SRRM2: variants seen among roughly 807,000 people sequenced by gnomAD.
The protein encoded by SRRM2 is serine/arginine repetitive matrix 2.
Under a neutral mutation model 213.8 loss-of-function variants are expected in SRRM2, and 30 were observed. The observed-to-expected ratio is 0.14, with a 90% CI of 0.10 to 0.19. The LOEUF (loss-of-function observed/expected upper bound fraction) is 0.19. Among genes scored for constraint, SRRM2 ranks in the 10% least tolerant of loss-of-function variants. SRRM2 has a pLI of 1.00. For synonymous variants in SRRM2, 2,025 were observed against 1,377.7 expected (o/e 1.47, Z -10.40); for missense variants, 4,904 against 3,647.0 (o/e 1.34, Z -8.88).
intron 2 of SRRM2, 92 bp downstream of exon 2, chr16:2,756,698 GA>G (rs2068154018): frequency 1.3e-6 from 2 of 1,498,954 alleles, no homozygotes; most frequent in Non-Finnish European, 1.8e-6. Context: ...GTGGTTGAAA[GA>G]GGCCTGGCAA....
At position 2,766,645 on chromosome 16, in the gene SRRM2, C is replaced by A; in HGVS notation, c.6117C>A (p.Arg2039=). The change falls in exon 11 of 15, where the codon CGC becomes CGA. Residue 2039 remains arginine (R), a synonymous_variant. Transcript: ENST00000301740. The surrounding 1 kb of genome is among the most constrained non-coding windows in gnomAD (Gnocchi z 7.0). ...GATCTCGAACGCCACTGTTACCACG[C>A]AAACGTTCTCGAAGTCGCTCACCAC... ...RSRSRTPLLP[R]KRSRSRSPLA... The A allele has an allele frequency of 6.2e-7, 1 of 1,614,004 alleles. No individual in the cohort carries two copies. The highest frequency in any genetic ancestry group is 8.5e-7 in the Non-Finnish European group (1 of 1,179,928).
Position 2,762,417 on chromosome 16 carries a change from C to A in SRRM2, c.1889C>A (p.Pro630Gln), listed in dbSNP as rs762964612. The change falls in exon 11 of 15, where the codon CCA becomes CAA. Residue 630 changes from proline to glutamine, a missense_variant. Coordinates refer to ENST00000301740, the MANE Select transcript of SRRM2 (RefSeq NM_016333.4). ...AGGCGCAGATCTAGGACCCGATCACCAGTACGACGCAGGTCTCGTAGTAGA... is the reference window on the plus strand; with the variant it reads ...AGGCGCAGATCTAGGACCCGATCACAAGTACGACGCAGGTCTCGTAGTAGA... ...PARRRSRTRS[P>Q]VRRRSRSRSP... The A allele has an allele frequency of 9.9e-6, 16 of 1,614,058 alleles. No individual in the cohort carries two copies. Among genetic ancestry groups the A allele is most frequent in the Non-Finnish European group, 1.4e-5 (16 of 1,180,054 alleles).
intron 12 of SRRM2, chr16:2,770,045 C>A (rs1423801332): frequency 1.0e-6 from 1 of 1,003,926 alleles, no homozygotes; most frequent in African/African-American, 1.6e-5. Context: ...CCCTTGGGTC[C>A]CCAGAGCCAC....
chr16:2,765,020 C>T lies in SRRM2; in HGVS notation c.4492C>T (p.Arg1498Cys), dbSNP rs144544169. 111 of 1,613,870 alleles carry T rather than the reference C, an allele frequency of 6.9e-5. No individual in the cohort carries two copies. The highest frequency in any genetic ancestry group is 6.3e-4 in the African/African-American group (47 of 74,918). The change falls in exon 11 of 15, where the codon CGT becomes TGT. Residue 1498 changes from arginine (R) to cysteine (C), a missense_variant. By Grantham distance (180) the Arg-to-Cys change is radical. Coordinates refer to ENST00000301740, the MANE Select transcript of SRRM2 (RefSeq NM_016333.4). The stretch of plus-strand genomic sequence containing the variant: ...GCCTCAGACTCCTAGGCCGAGGAGT[C>T]GTTCTCCATCATCCCCAGAGCTCAA... ...ALPQTPRPRS[R>C]SPSSPELNNK...
In SRRM2 at chr16:2,762,360, G is replaced by T. The variant is rs766542259; in HGVS notation, c.1832G>T (p.Arg611Leu). Reference sequence around the variant, plus strand: ...AGGTCTCGGTCTAGAACACCAGCCCGGAGGGGCAGGTCTCGGTCTAGAACA... The same window carrying T: ...AGGTCTCGGTCTAGAACACCAGCCCTGAGGGGCAGGTCTCGGTCTAGAACA... Reference protein sequence around the residue: ...RRRSRSRTPARRGRSRSRTPA... With the variant: ...RRRSRSRTPALRGRSRSRTPA... The change falls in exon 11 of 15, where the codon CGG (arginine) becomes CTG (leucine). Residue 611 changes from arginine (R) to leucine (L), a missense_variant. Coordinates refer to ENST00000301740, the MANE Select transcript of SRRM2 (RefSeq NM_016333.4). 5.6e-6 allele frequency: 9 copies of T among 1,612,106 alleles called. No homozygotes were observed. In the South Asian group the frequency reaches 9.9e-5, roughly 18 times the overall value.
rs1298021865 is a variant in SRRM2 at position 2,765,204 on chromosome 16, C to T, written c.4676C>T (p.Ser1559Leu). The T allele has an allele frequency of 6.2e-7, 1 of 1,614,180 alleles. No homozygotes were observed. Among genetic ancestry groups the T allele is most frequent in the African/African-American group, 1.3e-5 (1 of 75,044 alleles). Residue 1559 changes from serine to leucine, a missense_variant, in exon 11 of 15, where the codon TCA (serine) becomes TTA (leucine). By Grantham distance (145) the Ser-to-Leu change is moderately radical (BLOSUM62 -2). Transcript: ENST00000301740. The stretch of plus-strand genomic sequence containing the variant: ...GCATCCCCTCAGGAAAGAAGTGAGT[C>T]AGACTCTTCTCCAGATTCTAAAGCC... The part of the protein sequence containing the change: ...PSASPQERSE[S>L]DSSPDSKAKT...
chr16:2,753,227 G>C (rs2068003891), intron 1 of SRRM2, among the ~76,000 whole-genome samples: 1 of 152,246 alleles, frequency 6.6e-6, no homozygotes, highest in Non-Finnish European at 1.5e-5. Context: ...GCGGCGGGGG[G>C]CTTGCTCCTG....
chr16:2,759,264 G>C, intron 7 of SRRM2, 88 bp from the exon 8 acceptor site: 1 of 1,603,902 alleles, frequency 6.2e-7, no homozygotes, highest in Non-Finnish European at 8.5e-7. Context: ...GATCTTCCTT[G>C]TGTCAACACT....
rs1243776310 is a variant in SRRM2, at chr16:2,765,835, A to G, written c.5307A>G (p.Gly1769=). 1.2e-6 allele frequency: 2 copies of G among 1,613,572 alleles called. No individual in the cohort carries two copies. The highest frequency in any genetic ancestry group is 1.7e-6 in the Non-Finnish European group (2 of 1,179,976). ...RGRSPSPKPR[G]LQRSRSRSRR... is the part of the protein sequence containing the mutation. The stretch of plus-strand genomic sequence containing the variant: ...GCTCTCCTTCGCCAAAGCCTCGTGG[A>G]CTCCAGAGGTCCCGTTCCCGCTCAA... The change falls in exon 11 of 15, where the codon GGA becomes GGG. Residue 1769 remains glycine, a synonymous_variant. Transcript: ENST00000301740.
At chr16:2,768,761 T>G (rs1345462847) in intron 11 of SRRM2, 1 of 784,818 alleles carries the variant, frequency 1.3e-6, no homozygotes, top group Admixed American at 2.0e-5. Flanking sequence ...TCAGGGACAT[T>G]CTTGAGGTTT....
chr16:2,762,748 A>G lies in SRRM2; in HGVS notation c.2220A>G (p.Arg740=). The G allele has an allele frequency of 6.2e-7, 1 of 1,614,174 alleles. No individual in the cohort carries two copies. The highest frequency in any genetic ancestry group is 8.5e-7 in the Non-Finnish European group (1 of 1,180,028). ...ACAAATCCAGAACATCTCAAAGAAG[A>G]AGCAGGTCCAATTCAAGCCCAGAAA... ...RKNKSRTSQR[R]SRSNSSPEMK... The change falls in exon 11 of 15, where the codon AGA becomes AGG. Residue 740 remains arginine (R), a synonymous_variant. Coordinates refer to ENST00000301740, the MANE Select transcript of SRRM2 (RefSeq NM_016333.4).
At chr16:2,755,659 AGT>A (rs2068114985) in intron 1 of SRRM2, among the ~76,000 whole-genome samples, 1 of 152,202 alleles carries the variant, frequency 6.6e-6, no homozygotes, top group African/African-American at 2.4e-5. Context: ...TGGGAGGTGA[AGT>A]ATATGACGAT....
At chr16:2,758,397 A>T in intron 4 of SRRM2, 73 bp from the exon 5 acceptor site, 2 of 1,296,646 alleles carry the variant, frequency 1.5e-6, no homozygotes, top group Non-Finnish European at 2.2e-6. Flanking sequence ...ATTTTTTTAG[A>T]CTCTGTCTTT....
chr16:2,769,933 C>T (rs1340789297), intron 12 of SRRM2: 4 of 441,398 alleles, frequency 9.1e-6, no homozygotes, highest in Non-Finnish European at 1.8e-5. Flanking sequence ...CCTGGAATTT[C>T]CTTGTCCGCC....
In SRRM2 at chr16:2,761,680, C is replaced by G; in HGVS notation, c.1152C>G (p.Thr384=). ...GCTCCCCACAACCCCTTGCAACCAC[C>G]CCCTTAAGCCAGGAGCCAGTGAACC... is the stretch of plus-strand genomic sequence containing the variant. The part of the protein sequence containing the change: ...HGGSPQPLAT[T]PLSQEPVNPP... Residue 384 remains threonine, a synonymous_variant, in exon 11 of 15, where the codon ACC becomes ACG. Transcript: ENST00000301740. 3 of 1,599,472 alleles carry G rather than the reference C, an allele frequency of 1.9e-6. No individual in the cohort carries two copies. The highest frequency in any genetic ancestry group is 2.6e-6 in the Non-Finnish European group (3 of 1,173,222).
rs2068597839 is a variant in SRRM2, at chr16:2,767,873, TCTC to T, written c.7348_7350del (p.Pro2450del). 1.2e-6 allele frequency: 2 copies of T among 1,613,846 alleles called. No homozygotes were observed. Among genetic ancestry groups the T allele is most frequent in the Non-Finnish European group, 1.7e-6 (2 of 1,179,960 alleles). On this transcript the variant is annotated inframe_deletion, in exon 11 of 15. Transcript: ENST00000301740. ...CCCTCCAGCACAGGATCAGCCGAGG[TCTC>T]CTGTGCCTTCTGCTTTTTCAGACCA...
intron 10 of SRRM2, chr16:2,760,729 G>A (rs968393055): frequency 3.8e-6 from 2 of 530,316 alleles, no homozygotes; most frequent in Non-Finnish European, 3.4e-6. Flanking sequence ...GTTTTATATT[G>A]TGTCTTGTTT....
chr16:2,756,266 G>T, intron 1 of SRRM2, 68 bp from the exon 2 acceptor site: 1 of 1,363,424 alleles, frequency 7.3e-7, no homozygotes, highest in Non-Finnish European at 9.7e-7. Context: ...GCAGGGACTT[G>T]GGTGTGGGGC....
rs151115176 is a variant in SRRM2, at chr16:2,753,545, T to A, written c.-32+699T>A. 5.9e-5 allele frequency: 9 copies of A among 152,380 alleles called. No individual in the cohort carries two copies. The East Asian group carries it at 1.7e-3, about 29-fold the overall frequency. The allele number at this position is 152,380 out of a possible 1,614,324, so 9.4% of individuals were successfully genotyped here. ...TAAGGTAGACCGTGCGTTCCCTTTT[T>A]ACACTTTTTCAACGTCTCCCGAGAA... On this transcript the variant is annotated intron_variant, in intron 1 of 14. Transcript: ENST00000301740.
Sources: gnomAD v4.1 joint callset for allele counts (sites outside exome capture counted in the v4.1 genomes callset) on GRCh38, gnomAD v4.1.1 for gene constraint, Gnocchi (gnomAD v3.1) non-coding constraint, MANE v1.5 for transcripts, NCBI Gene and HGNC (gene_info 2026-07-23, HGNC 2026-07-21) for gene names.